PTPRK: variants seen among roughly 807,000 people sequenced by gnomAD.
PTPRK encodes protein tyrosine phosphatase receptor type K.
PTPRK carries 75 observed loss-of-function variants against 178.0 expected under a neutral mutation model. That is an observed-to-expected ratio of 0.42 (90% CI 0.35 to 0.51). The LOEUF (loss-of-function observed/expected upper bound fraction) is 0.51, where lower values mean the gene tolerates loss of function less well. PTPRK is among the 20% of genes least tolerant of loss of function. The probability of loss-of-function intolerance (pLI) is 0.02; values close to 1 mark genes in which losing one functional copy is unlikely to be tolerated. For synonymous variants in PTPRK, 637 were observed against 620.6 expected (o/e 1.03, Z -0.39); for missense variants, 1,441 against 1,797.8 (o/e 0.80, Z 3.59).
chr6:128,145,223 TAA>T (rs752935265), intron 7 of PTPRK, among the ~76,000 whole-genome samples: 3 of 151,972 alleles, frequency 2.0e-5, no homozygotes, highest in Non-Finnish European at 4.4e-5. Flanking sequence ...AAAAATTTGT[TAA>T]GAGGGTAGTT....
intron 3 of PTPRK, among the ~76,000 whole-genome samples, chr6:128,294,940 C>T (rs60876076): frequency 1.7e-5 from 1 of 60,346 alleles, no homozygotes; most frequent in Non-Finnish European, 2.9e-5. Flanking sequence ...CTTTGAGGAA[C>T]AAAGAGTAAT....
chr6:128,498,795 A>C (rs1855112108), intron 1 of PTPRK, among the ~76,000 whole-genome samples: 1 of 152,184 alleles, frequency 6.6e-6, no homozygotes, highest in Non-Finnish European at 1.5e-5. Flanking sequence ...TGAATGGCAG[A>C]GAGAGAGAAG....
intron 2 of PTPRK, among the ~76,000 whole-genome samples, chr6:128,366,921 T>G (rs898325945): frequency 1.3e-5 from 2 of 152,112 alleles, no homozygotes; most frequent in African/African-American, 4.8e-5. Flanking sequence ...AGTATTAGCT[T>G]CTTTGGATTC....
Position 127,976,744 on chromosome 6 carries a change from T to C in PTPRK, c.3882A>G (p.Arg1294=). The C allele has an allele frequency of 6.2e-7, 1 of 1,613,906 alleles. No individual in the cohort carries two copies. The highest frequency in any genetic ancestry group is 8.5e-7 in the Non-Finnish European group (1 of 1,179,920). The change falls in exon 27 of 30, where the codon CGA becomes CGG. Residue 1294 remains arginine, a synonymous_variant. Transcript: ENST00000368226. ...PQYWPEEGML[R]YGPIQVECMS... ...TACATTCCACTTGGATGGGGCCATA[T>C]CGTAGCATCCCTTCCTCTGGCCAGT...
chr6:128,171,373 G>T (rs985679161), intron 7 of PTPRK, among the ~76,000 whole-genome samples: 3 of 151,928 alleles, frequency 2.0e-5, no homozygotes, highest in Non-Finnish European at 4.4e-5. Context: ...TTGTTTAGGG[G>T]ATAATGCGAG....
intron 1 of PTPRK, among the ~76,000 whole-genome samples, chr6:128,475,396 C>T (rs147280834): frequency 1.3e-5 from 2 of 152,094 alleles, no homozygotes; most frequent in African/African-American, 4.8e-5. Flanking sequence ...GATCACTTCG[C>T]GAGAACAGCG....
At chr6:128,318,952 A>G (rs535394202) in intron 3 of PTPRK, among the ~76,000 whole-genome samples, 1 of 152,328 alleles carries the variant, frequency 6.6e-6, no homozygotes, top group Admixed American at 6.5e-5. Flanking sequence ...AAATAAAACA[A>G]ATGTAATACG....
At chr6:128,006,644 C>A (rs1038694697) in intron 14 of PTPRK, among the ~76,000 whole-genome samples, 2 of 150,878 alleles carry the variant, frequency 1.3e-5, no homozygotes, top group Non-Finnish European at 3.0e-5. Context: ...TGATATCATA[C>A]ACAAACATTT....
At chr6:128,313,445 A>G (rs1454712054) in intron 3 of PTPRK, among the ~76,000 whole-genome samples, 1 of 152,188 alleles carries the variant, frequency 6.6e-6, no homozygotes, top group Non-Finnish European at 1.5e-5. Flanking sequence ...CACACGTCCA[A>G]GGAGAAGGGA....
intron 1 of PTPRK, among the ~76,000 whole-genome samples, chr6:128,449,605 AT>A (rs915220873): frequency 6.7e-4 from 101 of 151,756 alleles, no homozygotes; most frequent in South Asian, 2.1e-3. Context: ...AAAAACAATG[AT>A]TTTTTTTTCC....
At chr6:128,505,452 A>C (rs1286891582) in intron 1 of PTPRK, among the ~76,000 whole-genome samples, 1 of 151,956 alleles carries the variant, frequency 6.6e-6, no homozygotes, top group Non-Finnish European at 1.5e-5. Context: ...AAAAAAAATA[A>C]ATACACACAT....
At chr6:128,043,958 T>C (rs2114846317) in intron 13 of PTPRK, among the ~76,000 whole-genome samples, 1 of 152,138 alleles carries the variant, frequency 6.6e-6, no homozygotes, top group East Asian at 1.9e-4. Flanking sequence ...CAAATGCTTT[T>C]GAAATCCCTA....
chr6:128,482,210 C>T (rs1047584555), intron 1 of PTPRK, among the ~76,000 whole-genome samples: 2 of 152,054 alleles, frequency 1.3e-5, no homozygotes, highest in Admixed American at 6.6e-5. Flanking sequence ...TCTTTTAAGA[C>T]GTGAAGTATA....
intron 3 of PTPRK, among the ~76,000 whole-genome samples, chr6:128,269,002 G>C (rs1439232907): frequency 1.3e-5 from 2 of 151,916 alleles, no homozygotes; most frequent in Non-Finnish European, 2.9e-5. Context: ...TAACATTCCT[G>C]AAGGGAATAA....
intron 3 of PTPRK, among the ~76,000 whole-genome samples, chr6:128,251,351 A>G (rs1260071543): frequency 6.6e-6 from 1 of 152,184 alleles, no homozygotes; most frequent in African/African-American, 2.4e-5. Context: ...GGCAATTAAG[A>G]CATATAATCA....
rs560075256 is a variant in PTPRK at position 128,245,282 on chromosome 6, T to C, written c.496-2680A>G. Among the ~76,000 whole-genome samples the C allele has an allele frequency of 4.6e-5, 7 of 152,248 alleles. No homozygotes were observed. In the East Asian group the frequency reaches 1.4e-3, roughly 29 times the overall value. On this transcript the variant is annotated intron_variant, in intron 3 of 29. Coordinates refer to ENST00000368226, the MANE Select transcript of PTPRK (RefSeq NM_002844.4). ...TTCTCAAGAAAAAGAAGACACAGAG[T>C]ATTTCATTTAAGTAGACTTTAGAGT...
At chr6:128,436,007 T>A (rs1209062055) in intron 1 of PTPRK, among the ~76,000 whole-genome samples, 133 of 149,638 alleles carry the variant, frequency 8.9e-4, no homozygotes, top group East Asian at 3.5e-3. Context: ...AAAATATATA[T>A]ATATATATAT....
At chr6:128,025,025 C>T (rs1774080410) in intron 13 of PTPRK, among the ~76,000 whole-genome samples, 1 of 152,122 alleles carries the variant, frequency 6.6e-6, no homozygotes, top group Non-Finnish European at 1.5e-5. Flanking sequence ...GTTTATTTTG[C>T]AGTACAACAA....
intron 1 of PTPRK, among the ~76,000 whole-genome samples, chr6:128,400,574 T>C (rs749403713): frequency 6.6e-6 from 1 of 152,144 alleles, no homozygotes; most frequent in Non-Finnish European, 1.5e-5. Flanking sequence ...TAACCCATGT[T>C]GAGTTAAAAG....
Sources: allele counts gnomAD v4.1 joint callset (sites outside exome capture counted in the v4.1 genomes callset), GRCh38; gene constraint gnomAD v4.1.1; transcripts MANE v1.5; gene names NCBI Gene and HGNC (gene_info 2026-07-23, HGNC 2026-07-21).